PCDH9: variants seen among roughly 807,000 people sequenced by gnomAD.
The protein encoded by PCDH9 is protocadherin 9.
In PCDH9, 24 loss-of-function variants were observed where a neutral mutation model predicts 70.6. The ratio of observed to expected loss-of-function variants is 0.34; its 90% confidence interval spans 0.25 to 0.48. The LOEUF is 0.48. PCDH9 is among the 20% of genes least tolerant of loss of function. PCDH9 has a pLI of 0.99. For synonymous variants in PCDH9, 562 were observed against 558.5 expected (o/e 1.01, Z -0.09); for missense variants, 1,281 against 1,503.6 (o/e 0.85, Z 2.45).
chr13:66,887,831 T>G (rs2082032700), intron 3 of PCDH9, among the ~76,000 whole-genome samples: 1 of 152,238 alleles, frequency 6.6e-6, no homozygotes, highest in Non-Finnish European at 1.5e-5. Context: ...TGCAAAATGT[T>G]AATGTCATTT....
intron 3 of PCDH9, among the ~76,000 whole-genome samples, chr13:66,869,094 T>C (rs2081626112): frequency 6.6e-6 from 1 of 152,134 alleles, no homozygotes; most frequent in African/African-American, 2.4e-5. Context: ...AAAATAAGCA[T>C]ACATTCAGTA....
chr13:66,870,605 GT>G, intron 3 of PCDH9, among the ~76,000 whole-genome samples: 1 of 152,162 alleles, frequency 6.6e-6, no homozygotes, highest in Admixed American at 6.5e-5. Context: ...TTCAAAAGAG[GT>G]TATTTATGCA....
intron 2 of PCDH9, among the ~76,000 whole-genome samples, chr13:66,935,522 A>G (rs1274797002): frequency 6.6e-6 from 1 of 152,220 alleles, no homozygotes; most frequent in East Asian, 1.9e-4. Context: ...TAAATTGAAG[A>G]AAATAAGCTC....
At chr13:66,915,881 G>A (rs76159397) in intron 2 of PCDH9, among the ~76,000 whole-genome samples, 2,587 of 151,466 alleles carry the variant, frequency 0.017, 82 homozygotes, top group African/African-American at 0.06. Context: ...TCTCCCCTCC[G>A]TAGCACAGAA....
intron 3 of PCDH9, among the ~76,000 whole-genome samples, chr13:66,754,574 C>G (rs1183397230): frequency 6.6e-6 from 1 of 151,952 alleles, no homozygotes; most frequent in African/African-American, 2.4e-5. Flanking sequence ...TCAGGATATA[C>G]CTAATCTATA....
At chr13:66,873,002 T>A (rs2081725372) in intron 3 of PCDH9, among the ~76,000 whole-genome samples, 1 of 152,180 alleles carries the variant, frequency 6.6e-6, no homozygotes. Flanking sequence ...AATTTATAAG[T>A]CTAAAACTTG....
intron 3 of PCDH9, among the ~76,000 whole-genome samples, chr13:66,770,467 T>C (rs1053495573): frequency 2.6e-5 from 4 of 152,208 alleles, no homozygotes; most frequent in African/African-American, 7.2e-5. Flanking sequence ...GGGACAGATC[T>C]ATAAAAACAT....
chr13:66,350,628 C>A (rs1956279297), intron 4 of PCDH9, among the ~76,000 whole-genome samples: 1 of 152,194 alleles, frequency 6.6e-6, no homozygotes, highest in Non-Finnish European at 1.5e-5. Context: ...AATTATATGA[C>A]TACCCTTTAT....
At chr13:66,706,690 CT>C (rs2078716041) in intron 3 of PCDH9, among the ~76,000 whole-genome samples, 1 of 152,086 alleles carries the variant, frequency 6.6e-6, no homozygotes, top group African/African-American at 2.4e-5. Context: ...GAGGGGAAGG[CT>C]ATGAAAGACA....
intron 4 of PCDH9, among the ~76,000 whole-genome samples, chr13:66,508,547 C>T (rs902621740): frequency 1.2e-4 from 18 of 152,102 alleles, no homozygotes; most frequent in African/African-American, 3.9e-4. Flanking sequence ...CTTTGAAACA[C>T]GGGTGATGTC....
At chr13:66,900,383 T>C (rs2082257591) in intron 3 of PCDH9, among the ~76,000 whole-genome samples, 1 of 151,906 alleles carries the variant, frequency 6.6e-6, no homozygotes, top group Non-Finnish European at 1.5e-5. Flanking sequence ...TTTTTGCATG[T>C]ATTAAAACAG....
At chr13:66,469,066 T>C (rs138899421) in intron 4 of PCDH9, among the ~76,000 whole-genome samples, 1 of 152,258 alleles carries the variant, frequency 6.6e-6, no homozygotes, top group African/African-American at 2.4e-5. Context: ...CTAATCAGAA[T>C]TTGAATTAAA....
chr13:66,751,600 G>T (rs2079460528), intron 3 of PCDH9, among the ~76,000 whole-genome samples: 2 of 152,136 alleles, frequency 1.3e-5, no homozygotes, highest in South Asian at 2.1e-4. Context: ...ATGAAAGCAA[G>T]CAACTGAAAT....
intron 2 of PCDH9, among the ~76,000 whole-genome samples, chr13:67,168,374 A>G (rs2088180430): frequency 6.6e-6 from 1 of 152,154 alleles, no homozygotes. Context: ...AGAAATATGG[A>G]GAGTGAAATA....
chr13:66,352,909 C>T (rs1434866850), intron 4 of PCDH9, among the ~76,000 whole-genome samples: 1 of 152,164 alleles, frequency 6.6e-6, no homozygotes, highest in Non-Finnish European at 1.5e-5. Context: ...CTGTGGAACA[C>T]TTAAATGAAT....
intron 2 of PCDH9, among the ~76,000 whole-genome samples, chr13:67,008,560 G>A (rs907909353): frequency 1.3e-5 from 2 of 152,000 alleles, no homozygotes; most frequent in Admixed American, 6.6e-5. Flanking sequence ...ATAAGAGTCA[G>A]CATATTCAAA....
At chr13:66,887,066 CA>C (rs1566267393) in intron 3 of PCDH9, among the ~76,000 whole-genome samples, 11 of 151,468 alleles carry the variant, frequency 7.3e-5, no homozygotes, top group African/African-American at 1.5e-4. Context: ...CACACACACA[CA>C]CACACACACA....
At chr13:66,595,105 G>T (rs1020899079) in intron 4 of PCDH9, among the ~76,000 whole-genome samples, 2 of 151,360 alleles carry the variant, frequency 1.3e-5, no homozygotes, top group African/African-American at 4.8e-5. Flanking sequence ...GGCCTCTGGA[G>T]ATAGGCCTTC....
chr13:67,094,906 C>A (rs2086289958), intron 2 of PCDH9, among the ~76,000 whole-genome samples: 1 of 152,048 alleles, frequency 6.6e-6, no homozygotes, highest in Admixed American at 6.6e-5. Context: ...AGAATCTGGC[C>A]AAACTCTCCA....
Sources: gnomAD v4.1 joint callset for allele counts (sites outside exome capture counted in the v4.1 genomes callset) on GRCh38, gnomAD v4.1.1 for gene constraint, MANE v1.5 for transcripts, NCBI Gene and HGNC (gene_info 2026-07-23, HGNC 2026-07-21) for gene names.